ZNF814: variants seen among roughly 807,000 people sequenced by gnomAD.
ZNF814 encodes the protein zinc finger protein 814.
ZNF814 carries 5 observed loss-of-function variants against 7.5 expected under a neutral mutation model. That is an observed-to-expected ratio of 0.67 (90% CI 0.35 to 1.40). ZNF814 has a LOEUF of 1.40. Among genes scored for constraint, ZNF814 ranks in the 40% most tolerant of loss-of-function variants. ZNF814 has a pLI of 0.04. For synonymous variants in ZNF814, 315 were observed against 340.7 expected, an observed-to-expected ratio of 0.92 and a Z score of 0.83; for missense variants, 962 against 1,018.0, an observed-to-expected ratio of 0.94 and a Z score of 0.75.
chr19:57,876,935 CA>C lies in ZNF814; in HGVS notation c.143del (p.Leu48ArgfsTer173), dbSNP rs2071611574. The C allele has an allele frequency of 6.2e-7, 1 of 1,614,022 alleles. No homozygotes were observed. The highest frequency in any genetic ancestry group is 1.7e-5 in the Admixed American group (1 of 59,998). On this transcript the variant is annotated frameshift_variant, in exon 2 of 3. Transcript: ENST00000435989. LOFTEE classifies it low-confidence loss of function (END_TRUNC). ...ACTTACCCAGGGAGGATATAAGTGC[CA>C]GGTTCTCCAGCGTCACATCACGGTA... ...CLYRDVTLEN[L>X]ALISSLGCWC...
the ZNF814 span, among the ~76,000 whole-genome samples, chr19:57,896,932 G>A: frequency 2.2e-3 from 338 of 152,306 alleles, 5 homozygotes; most frequent in Admixed American, 0.021. This position sits in a 1 kb window ranked among gnomAD's most constrained non-coding sequence, Gnocchi z 4.2. Flanking sequence ...GTTAAAGGGA[G>A]TCAGTCCTAA....
the ZNF814 span, among the ~76,000 whole-genome samples, chr19:57,903,682 T>G: frequency 6.6e-6 from 1 of 152,226 alleles, no homozygotes; most frequent in Non-Finnish European, 1.5e-5. Context: ...TCAATTCTCT[T>G]AAATGGATTA....
At chr19:57,904,229 C>T in the ZNF814 span, among the ~76,000 whole-genome samples, 3 of 152,166 alleles carry the variant, frequency 2.0e-5, no homozygotes, top group African/African-American at 7.2e-5. Flanking sequence ...CTTGATGCAC[C>T]GCTTTCTACC....
Position 57,872,510 on chromosome 19 carries a change from C to T in ZNF814, c.*312G>A. 3 of 591,044 alleles carry T rather than the reference C, an allele frequency of 5.1e-6. No homozygotes were observed. Among genetic ancestry groups the T allele is most frequent in the Non-Finnish European group, 8.8e-6 (3 of 341,112 alleles). The allele number at this position is 591,044 out of a possible 1,614,324, so 36.6% of individuals were successfully genotyped here. A position where few individuals can be genotyped will look rare whatever the true frequency, so the allele number is the denominator to read the frequency against. ...ATGTATTTTATTTGTCTAGTGTGAA[C>T]TCTCTGATATTCAAGGAGAAAAGAC... On this transcript the variant is annotated 3_prime_UTR_variant, in exon 3 of 3. Coordinates refer to ENST00000435989, the MANE Select transcript of ZNF814 (RefSeq NM_001144989.2).
the ZNF814 span, among the ~76,000 whole-genome samples, chr19:57,894,978 C>G: frequency 2.0e-5 from 3 of 152,082 alleles, no homozygotes; most frequent in Non-Finnish European, 4.4e-5. Flanking sequence ...GGATGGAAAT[C>G]AGAAGGCACA....
chr19:57,893,706 G>T (rs1486301372), upstream of ZNF814, among the ~76,000 whole-genome samples: 1 of 151,742 alleles, frequency 6.6e-6, no homozygotes, highest in Non-Finnish European at 1.5e-5. Context: ...ATCACTTGAG[G>T]CCAGGAGTTC....
At chr19:57,880,613 C>T (rs142933006) in intron 1 of ZNF814, among the ~76,000 whole-genome samples, 54 of 84,770 alleles carry the variant, frequency 6.4e-4, no homozygotes, top group East Asian at 3.0e-3. Flanking sequence ...TTTTTTTTTT[C>T]TTTTTTTTTT....
chr19:57,874,842 G>A lies in ZNF814; in HGVS notation c.548C>T (p.Ser183Leu). 1 of 1,614,104 alleles carries A rather than the reference G, an allele frequency of 6.2e-7. No homozygotes were observed. Among genetic ancestry groups the A allele is most frequent in the East Asian group, 2.2e-5 (1 of 44,886 alleles). ...SESGKDFLPR[S>L]GLLQQEASHT... ...ACTGGCCTCCTGCTGGAGTAATCCT[G>A]ACCTGGGCAAAAAGTCCTTCCCACT... The change falls in exon 3 of 3, where the codon TCA becomes TTA. Residue 183 changes from serine (S) to leucine (L), a missense_variant. By Grantham distance (145) the Ser-to-Leu change is moderately radical. Transcript: ENST00000435989.
chr19:57,874,816 G>A lies in ZNF814; in HGVS notation c.574C>T (p.His192Tyr). ...TTGCTGTTTGACTTCTCCCCAGTGT[G>A]ACTGGCCTCCTGCTGGAGTAATCCT... ...RSGLLQQEAS[H>Y]TGEKSNSKTE... The change falls in exon 3 of 3, where the codon CAC (histidine) becomes TAC (tyrosine). Residue 192 changes from histidine to tyrosine, a missense_variant. Physicochemically the swap from His to Tyr is moderately conservative, Grantham distance 83. Transcript: ENST00000435989. The A allele has an allele frequency of 6.2e-7, 1 of 1,614,114 alleles. No individual in the cohort carries two copies. Among genetic ancestry groups the A allele is most frequent in the Non-Finnish European group, 8.5e-7 (1 of 1,180,000 alleles).
rs539596534 is a variant in ZNF814 at position 57,886,856 on chromosome 19, G to C, written c.36+1911C>G. 3.3e-5 allele frequency among the ~76,000 whole-genome samples: 5 copies of C among 151,680 alleles called. No individual in the cohort carries two copies. In the South Asian group the frequency reaches 1.0e-3, roughly 32 times the overall value. On this transcript the variant is annotated intron_variant, in intron 1 of 2. Coordinates refer to ENST00000435989, the MANE Select transcript of ZNF814 (RefSeq NM_001144989.2). Reference sequence around the variant, plus strand: ...GATCACACCACTGCACTCCAGGCTGGGTGACAGACTGAGACGCTGTCTCAG... The same window carrying C: ...GATCACACCACTGCACTCCAGGCTGCGTGACAGACTGAGACGCTGTCTCAG...
At chr19:57,887,539 C>G (rs926943091) in intron 1 of ZNF814, among the ~76,000 whole-genome samples, 1 of 152,166 alleles carries the variant, frequency 6.6e-6, no homozygotes, top group African/African-American at 2.4e-5. Context: ...TTTCACTAAT[C>G]CTGTTTTTAG....
the ZNF814 span, among the ~76,000 whole-genome samples, chr19:57,900,839 A>ATTTTTTTTTTTGTTTTTTTT: frequency 2.2e-5 from 1 of 45,782 alleles, no homozygotes; most frequent in Non-Finnish European, 3.8e-5. Flanking sequence ...CCATGGCTGC[A>ATTTTTTTTTTTGTTTTTTTT]TTTTTTTTTT....
chr19:57,900,724 CAG>C, the ZNF814 span, among the ~76,000 whole-genome samples: 1 of 151,628 alleles, frequency 6.6e-6, no homozygotes, highest in Admixed American at 6.6e-5. Flanking sequence ...ACATATCAAA[CAG>C]GGGAAGCTAC....
At chr19:57,903,707 T>G in the ZNF814 span, among the ~76,000 whole-genome samples, 9 of 152,344 alleles carry the variant, frequency 5.9e-5, no homozygotes, top group South Asian at 1.7e-3. Flanking sequence ...CACTGGAAAC[T>G]CTACACTTGT....
rs567660556 is a variant in ZNF814, at chr19:57,875,943, CTTTTTTTTTTTTTTTTT to C, written c.164-734_164-718del. 1.7e-3 allele frequency among the ~76,000 whole-genome samples: 122 copies of C among 71,430 alleles called. 3 individuals are homozygous for C. Among genetic ancestry groups the C allele is most frequent in the East Asian group, 7.1e-3 (18 of 2,520 alleles). 46.9% of individuals were successfully genotyped at this position (71,430 alleles called of 152,430 possible). ...CTCCATGACCTCCTCCAGGGTGCCGCTTTTTTTTTTTTTTTTTTTTTTTTTTTTTTTTTTTGAGATGG... is the reference window on the plus strand; with the variant it reads ...CTCCATGACCTCCTCCAGGGTGCCGCTTTTTTTTTTTTTTTTTTGAGATGG... On this transcript the variant is annotated intron_variant, in intron 2 of 2. Coordinates refer to ENST00000435989, the MANE Select transcript of ZNF814 (RefSeq NM_001144989.2).
intron 1 of ZNF814, among the ~76,000 whole-genome samples, chr19:57,884,059 C>G (rs1157871922): frequency 6.6e-6 from 1 of 152,090 alleles, no homozygotes; most frequent in African/African-American, 2.4e-5. Flanking sequence ...GCCTGGCCGA[C>G]AAAGACTTCT....
chr19:57,900,878 T>C, the ZNF814 span, among the ~76,000 whole-genome samples: 558 of 124,184 alleles, frequency 4.5e-3, 5 homozygotes, highest in African/African-American at 0.015. Context: ...GACGGAGTCT[T>C]GCTCTGTCGC....
chr19:57,889,046 C>A, upstream of ZNF814: 1 of 536,022 alleles, frequency 1.9e-6, no homozygotes. Flanking sequence ...ATGGCCGCCA[C>A]CAGAGGGCGC....
At chr19:57,899,392 C>T in the ZNF814 span, among the ~76,000 whole-genome samples, 1 of 152,098 alleles carries the variant, frequency 6.6e-6, no homozygotes, top group Non-Finnish European at 1.5e-5. Context: ...AATCATAGCC[C>T]CCCATAAAAT....
Sources: gnomAD v4.1 joint callset for allele counts (sites outside exome capture counted in the v4.1 genomes callset) on GRCh38, gnomAD v4.1.1 for gene constraint, Gnocchi (gnomAD v3.1) non-coding constraint, MANE v1.5 for transcripts, NCBI Gene and HGNC (gene_info 2026-07-23, HGNC 2026-07-21) for gene names.